The following MARCHF1 variants were observed in gnomAD, a reference collection of about 807,000 sequenced individuals.
The protein encoded by MARCHF1 is membrane associated ring-CH-type finger 1, also known as E3 ubiquitin-protein ligase MARCHF1.
In MARCHF1, 40 loss-of-function variants were observed where a neutral mutation model predicts 54.2. That is an observed-to-expected ratio of 0.74 (90% CI 0.57 to 0.96). The LOEUF is 0.96. Among genes scored for constraint, MARCHF1 ranks in the 40% least tolerant of loss-of-function variants. The pLI, the probability that MARCHF1 is intolerant of heterozygous loss-of-function variation, is 0.00. For missense variants in MARCHF1, 586 were observed against 656.5 expected (o/e 0.89, Z 1.17); for synonymous variants, 236 against 236.3 (o/e 1.00, Z 0.01).
intron 7 of MARCHF1, among the ~76,000 whole-genome samples, chr4:163,590,027 C>T (rs550188144): frequency 1.3e-5 from 2 of 148,730 alleles, no homozygotes; most frequent in Admixed American, 7.0e-5. Context: ...GACCACATAA[C>T]GCTATGCAGC....
Position 163,525,633 on chromosome 4 carries a change from T to TTATGGTATTGA in MARCHF1, c.*3114_*3115insTCAATACCATA, listed in dbSNP as rs11271036. On this transcript the variant is annotated 3_prime_UTR_variant, in exon 10 of 10. Coordinates refer to ENST00000514618, the MANE Select transcript of MARCHF1 (RefSeq NM_001394959.1). ...AAAATTAACAGCATCAATGTCTGGT[T>TTATGGTATTGA]TAATACTGAAGATTCATGATTATAA... 0.44 allele frequency: 66,362 copies of TTATGGTATTGA among 151,724 alleles called. 15,083 individuals carry two copies. The highest frequency in any genetic ancestry group is 0.56 in the Admixed American group (8,501 of 15,192). The allele number at this position is 151,724 out of a possible 1,614,324, so 9.4% of individuals were successfully genotyped here. A position where few individuals can be genotyped will look rare whatever the true frequency, so the allele number is the denominator to read the frequency against.
intron 3 of MARCHF1, among the ~76,000 whole-genome samples, chr4:163,889,511 A>C (rs1228592464): frequency 6.6e-6 from 1 of 152,056 alleles, no homozygotes; most frequent in African/African-American, 2.4e-5. Context: ...TCCCATCACC[A>C]TGTAGTACAG....
intron 3 of MARCHF1, among the ~76,000 whole-genome samples, chr4:163,981,399 C>T (rs1752759999): frequency 6.6e-6 from 1 of 152,166 alleles, no homozygotes. Flanking sequence ...GCACTTTGTC[C>T]TTTTCTTCAG....
Position 163,846,712 on chromosome 4 carries a change from T to C in MARCHF1, c.111+7309A>G, listed in dbSNP as rs188443987. 4.6e-5 allele frequency among the ~76,000 whole-genome samples: 7 copies of C among 152,220 alleles called. No homozygotes were observed. The East Asian group carries it at 7.7e-4, about 17-fold the overall frequency. Reference sequence around the variant, plus strand: ...GATCACAGAAACCATCTCAGACTTGTTTGATCTTTAAGATTAGTTCTTCCA... The same window carrying C: ...GATCACAGAAACCATCTCAGACTTGCTTGATCTTTAAGATTAGTTCTTCCA... On this transcript the variant is annotated intron_variant, in intron 4 of 9. Transcript: ENST00000514618.
chr4:164,177,516 A>AT (rs11317629), intron 1 of MARCHF1, among the ~76,000 whole-genome samples: 4 of 150,854 alleles, frequency 2.7e-5, no homozygotes, highest in East Asian at 1.9e-4. Context: ...CTCAATATAG[A>AT]TTTTTTTTTT....
intron 3 of MARCHF1, among the ~76,000 whole-genome samples, chr4:163,959,130 G>A (rs1752289079): frequency 6.6e-6 from 1 of 151,920 alleles, no homozygotes; most frequent in Non-Finnish European, 1.5e-5. Flanking sequence ...GCAGAGAAGA[G>A]CTGTTTCTGC....
intron 8 of MARCHF1, among the ~76,000 whole-genome samples, chr4:163,569,060 C>T (rs1739744734): frequency 6.6e-6 from 1 of 152,148 alleles, no homozygotes; most frequent in South Asian, 2.1e-4. Flanking sequence ...TTCACTTCTG[C>T]TTCTTCCATT....
At chr4:164,240,253 T>C (rs1259051603) in intron 1 of MARCHF1, among the ~76,000 whole-genome samples, 1 of 152,332 alleles carries the variant, frequency 6.6e-6, no homozygotes, top group East Asian at 1.9e-4. Flanking sequence ...TCTATAAGCC[T>C]ATTAGTAACA....
intron 5 of MARCHF1, among the ~76,000 whole-genome samples, chr4:163,671,820 A>T (rs1183198256): frequency 6.6e-6 from 1 of 152,084 alleles, no homozygotes; most frequent in African/African-American, 2.4e-5. Context: ...CTAGTTTGAA[A>T]GGCGAAAGGT....
At chr4:163,694,255 C>T (rs919917180) in intron 5 of MARCHF1, among the ~76,000 whole-genome samples, 1 of 152,090 alleles carries the variant, frequency 6.6e-6, no homozygotes, top group African/African-American at 2.4e-5. Context: ...CCCTTTGGGT[C>T]CCTCTCACTG....
chr4:164,325,074 C>T lies in MARCHF1; in HGVS notation c.-323+58796G>A, dbSNP rs377489870. ...GATATTACAAGATAAGTAATCATAT[C>T]GATATTTTATTAGCATAGGAATAGT... On this transcript the variant is annotated intron_variant, in intron 1 of 9. Transcript: ENST00000514618. Among the ~76,000 whole-genome samples the T allele has an allele frequency of 4.6e-5, 7 of 151,398 alleles. No individual in the cohort carries two copies. The East Asian group carries it at 1.2e-3, about 25-fold the overall frequency.
At chr4:164,324,968 A>C (rs1035474922) in intron 1 of MARCHF1, among the ~76,000 whole-genome samples, 6 of 151,926 alleles carry the variant, frequency 3.9e-5, no homozygotes, top group Admixed American at 3.9e-4. Context: ...TGAAAAAAAT[A>C]AATTTCCAAG....
intron 4 of MARCHF1, among the ~76,000 whole-genome samples, chr4:163,798,368 A>G (rs560087441): frequency 4.5e-4 from 68 of 152,288 alleles, no homozygotes; most frequent in African/African-American, 1.5e-3. Flanking sequence ...AAAGAAATAA[A>G]AATTATTTTT....
chr4:163,748,789 G>C (rs1179887780), intron 4 of MARCHF1, among the ~76,000 whole-genome samples: 1 of 152,206 alleles, frequency 6.6e-6, no homozygotes, highest in Non-Finnish European at 1.5e-5. Flanking sequence ...TATAGCAGCA[G>C]GGTGGCACAG....
intron 5 of MARCHF1, among the ~76,000 whole-genome samples, chr4:163,666,819 GA>G (rs1192406087): frequency 1.3e-5 from 2 of 151,680 alleles, no homozygotes; most frequent in Non-Finnish European, 2.9e-5. Flanking sequence ...AAACAATTTA[GA>G]ATTCTAGCTT....
chr4:163,973,563 G>A (rs948636376), intron 3 of MARCHF1, among the ~76,000 whole-genome samples: 2 of 152,202 alleles, frequency 1.3e-5, no homozygotes, highest in African/African-American at 4.8e-5. Flanking sequence ...CCCGGAAACG[G>A]CGTTGGAGGG....
chr4:163,932,920 G>T lies in MARCHF1; in HGVS notation c.-39+55581C>A. 4.7e-6 allele frequency: 3 copies of T among 643,634 alleles called. No homozygotes were observed. In the African/African-American group the frequency reaches 5.4e-5, roughly 12 times the overall value. The allele number at this position is 643,634 out of a possible 1,614,324, so 39.9% of individuals were successfully genotyped here. A position where few individuals can be genotyped will look rare whatever the true frequency, so the allele number is the denominator to read the frequency against. ...CAGTACTTTGCTGAAGCTGCATGTGGTAATGATCAAAAACAAATGATAGAT... is the reference window on the plus strand; with the variant it reads ...CAGTACTTTGCTGAAGCTGCATGTGTTAATGATCAAAAACAAATGATAGAT... On this transcript the variant is annotated intron_variant, in intron 3 of 9. Coordinates refer to ENST00000514618, the MANE Select transcript of MARCHF1 (RefSeq NM_001394959.1).
chr4:163,720,690 C>G (rs1335814168), intron 4 of MARCHF1, among the ~76,000 whole-genome samples: 1 of 152,078 alleles, frequency 6.6e-6, no homozygotes. Context: ...TGTTTGTGTC[C>G]TCTTTTACTT....
At chr4:164,221,275 T>G (rs1197014711) in intron 1 of MARCHF1, among the ~76,000 whole-genome samples, 1 of 152,018 alleles carries the variant, frequency 6.6e-6, no homozygotes, top group African/African-American at 2.4e-5. Flanking sequence ...TATGGGATAG[T>G]GTCCCAGTGT....
Sources: allele counts gnomAD v4.1 joint callset (sites outside exome capture counted in the v4.1 genomes callset), GRCh38; gene constraint gnomAD v4.1.1; transcripts MANE v1.5; gene names NCBI Gene and HGNC (gene_info 2026-07-23, HGNC 2026-07-21).